Variants in VTI1A observed in about 807,000 individuals in gnomAD.
The protein encoded by VTI1A is vesicle transport through interaction with t-SNAREs 1A, also known as vesicle transport through interaction with t-SNAREs homolog 1A.
A neutral mutation model predicts 34.9 loss-of-function variants in VTI1A; 22 were observed. That is an observed-to-expected ratio of 0.63 (90% confidence interval 0.45 to 0.90). The LOEUF (loss-of-function observed/expected upper bound fraction) is 0.90, where lower values mean the gene tolerates loss of function less well. Among genes scored for constraint, VTI1A ranks in the 40% least tolerant of loss-of-function variants. The pLI, the probability that VTI1A is intolerant of heterozygous loss-of-function variation, is 0.00. For synonymous variants in VTI1A, 87 were observed against 97.3 expected (o/e 0.89, Z 0.62); for missense variants, 268 against 275.6 (o/e 0.97, Z 0.20).
chr10:112,764,811 T>C (rs2134013318), intron 7 of VTI1A, among the ~76,000 whole-genome samples: 1 of 152,344 alleles, frequency 6.6e-6, no homozygotes, highest in South Asian at 2.1e-4. Context: ...CTCATACAAA[T>C]CTGTATTAGT....
At chr10:112,699,750 C>T (rs1437024396) in intron 7 of VTI1A, among the ~76,000 whole-genome samples, 1 of 151,846 alleles carries the variant, frequency 6.6e-6, no homozygotes, top group East Asian at 1.9e-4. Context: ...ATCGCTTGAA[C>T]CCAGGAGGCG....
chr10:112,754,070 T>G (rs1030063004), intron 7 of VTI1A, among the ~76,000 whole-genome samples: 2 of 152,198 alleles, frequency 1.3e-5, no homozygotes, highest in Non-Finnish European at 2.9e-5. Flanking sequence ...AAGCTGTCAT[T>G]CTGTTCGGGA....
chr10:112,719,169 C>A (rs1849707257), intron 7 of VTI1A, among the ~76,000 whole-genome samples: 1 of 152,230 alleles, frequency 6.6e-6, no homozygotes, highest in Non-Finnish European at 1.5e-5. Context: ...CATTTTACAT[C>A]ACTGAGTCGA....
intron 7 of VTI1A, among the ~76,000 whole-genome samples, chr10:112,686,223 G>A (rs889454781): frequency 4.6e-5 from 7 of 152,168 alleles, no homozygotes; most frequent in African/African-American, 1.7e-4. Flanking sequence ...TGTGGCAGGT[G>A]AACCACTTCT....
chr10:112,811,683 CAAAAAA>C (rs869030543), intron 7 of VTI1A, among the ~76,000 whole-genome samples: 18 of 11,842 alleles, frequency 1.5e-3, no homozygotes, highest in East Asian at 7.5e-3. Context: ...GACTCCGTCT[CAAAAAA>C]AAAAAAAAAA....
intron 5 of VTI1A, among the ~76,000 whole-genome samples, chr10:112,544,785 G>A (rs566359145): frequency 6.6e-6 from 1 of 152,288 alleles, no homozygotes; most frequent in Non-Finnish European, 1.5e-5. Context: ...AAGCACAAAG[G>A]CTCTGGAATG....
At chr10:112,571,610 A>AT (rs1403624564) in intron 5 of VTI1A, among the ~76,000 whole-genome samples, 1 of 152,192 alleles carries the variant, frequency 6.6e-6, no homozygotes, top group Non-Finnish European at 1.5e-5. Context: ...TTGAACTACC[A>AT]TTCCACCTGG....
intron 5 of VTI1A, among the ~76,000 whole-genome samples, chr10:112,635,184 C>A (rs1409624287): frequency 6.6e-6 from 1 of 152,166 alleles, no homozygotes; most frequent in Non-Finnish European, 1.5e-5. Flanking sequence ...TTCCTGCCTT[C>A]AAGCAGCTTT....
the VTI1A span, among the ~76,000 whole-genome samples, chr10:112,846,992 T>C: frequency 2.0e-5 from 3 of 152,292 alleles, no homozygotes; most frequent in African/African-American, 4.8e-5. Context: ...ACTTCTGACC[T>C]CCAGAACTGT....
chr10:112,481,779 T>C (rs1848465575), intron 3 of VTI1A, among the ~76,000 whole-genome samples: 1 of 152,224 alleles, frequency 6.6e-6, no homozygotes, highest in African/African-American at 2.4e-5. Context: ...GCCTCCCCAG[T>C]GTCTGTATTT....
chr10:112,761,367 C>T (rs1365711297), intron 7 of VTI1A, among the ~76,000 whole-genome samples: 1 of 152,090 alleles, frequency 6.6e-6, no homozygotes. Context: ...TTAGGATTAC[C>T]CCTCAAGACT....
intron 4 of VTI1A, among the ~76,000 whole-genome samples, chr10:112,531,061 C>CCACACACACACACACACACA (rs748909123): frequency 2.2e-5 from 2 of 90,320 alleles, no homozygotes; most frequent in Admixed American, 1.2e-4. Flanking sequence ...ACGTGACACA[C>CCACACACACACACACACACA]CTCACACACA....
chr10:112,818,797 A>T (rs1853595941), downstream of VTI1A: 1 of 143,552 alleles, frequency 7.0e-6, no homozygotes, highest in Non-Finnish European at 1.4e-5. Flanking sequence ...TAGCTGTGTC[A>T]TGTGGTACCC....
chr10:112,763,212 G>A (rs911947302), intron 7 of VTI1A, among the ~76,000 whole-genome samples: 6 of 152,000 alleles, frequency 3.9e-5, no homozygotes, highest in Non-Finnish European at 8.8e-5. Context: ...AGGTCGAGGC[G>A]GGCGGATCAC....
chr10:112,656,173 G>A (rs143583140), intron 5 of VTI1A, among the ~76,000 whole-genome samples: 1 of 152,276 alleles, frequency 6.6e-6, no homozygotes, highest in East Asian at 1.9e-4. Context: ...TGACTGCCTG[G>A]GGTGTTTCGA....
intron 7 of VTI1A, among the ~76,000 whole-genome samples, chr10:112,699,785 G>A (rs1191000903): frequency 2.0e-5 from 3 of 149,178 alleles, no homozygotes; most frequent in Admixed American, 6.8e-5. Flanking sequence ...CTGAGATCGC[G>A]CCATTGCACT....
At chr10:112,533,543 G>A (rs945415835) in intron 4 of VTI1A, 13 of 1,010,320 alleles carry the variant, frequency 1.3e-5, no homozygotes, top group African/African-American at 3.5e-5. Flanking sequence ...ATAAAATTAC[G>A]TGAAGAGGTG....
At chr10:112,454,950 A>G (rs1263409013) in intron 1 of VTI1A, among the ~76,000 whole-genome samples, 1 of 151,988 alleles carries the variant, frequency 6.6e-6, no homozygotes, top group Admixed American at 6.5e-5. Flanking sequence ...ATTGACTATA[A>G]CAATGTTAAA....
chr10:112,479,272 C>T (rs1225021897), intron 3 of VTI1A, among the ~76,000 whole-genome samples: 2 of 152,172 alleles, frequency 1.3e-5, no homozygotes, highest in African/African-American at 4.8e-5. Context: ...TAGTACGGGG[C>T]TTTAGGCATG....
Sources: gnomAD v4.1 joint callset for allele counts (sites outside exome capture counted in the v4.1 genomes callset) on GRCh38, gnomAD v4.1.1 for gene constraint, MANE v1.5 for transcripts, NCBI Gene and HGNC (gene_info 2026-07-23, HGNC 2026-07-21) for gene names.